EYS: variants seen among roughly 807,000 people sequenced by gnomAD.
EYS encodes the protein EGF-like photoreceptor maintenance factor, also known as protein eyes shut homolog.
Under a neutral mutation model 282.1 loss-of-function variants are expected in EYS, and 250 were observed. The observed-to-expected ratio is 0.89, with a 90% CI of 0.80 to 0.98. EYS has a LOEUF of 0.98. Among genes scored for constraint, EYS ranks in the 50% least tolerant of loss-of-function variants. The pLI, the probability that EYS is intolerant of heterozygous loss-of-function variation, is 0.00. For synonymous variants in EYS, 1,355 were observed against 1,282.9 expected, an observed-to-expected ratio of 1.06 and a Z score of -1.20; for missense variants, 4,016 against 3,709.0, an observed-to-expected ratio of 1.08 and a Z score of -2.15.
At chr6:64,004,768 C>G (rs1184907962) in intron 33 of EYS, among the ~76,000 whole-genome samples, 1 of 152,144 alleles carries the variant, frequency 6.6e-6, no homozygotes, top group Non-Finnish European at 1.5e-5. Context: ...GCCTCCAACT[C>G]CATCCATTTT....
intron 1 of EYS, among the ~76,000 whole-genome samples, chr6:65,691,163 T>C (rs888269523): frequency 6.7e-6 from 1 of 150,314 alleles, no homozygotes; most frequent in Non-Finnish European, 1.5e-5. Flanking sequence ...CCATTCTGCC[T>C]TCCACAATGG....
intron 12 of EYS, among the ~76,000 whole-genome samples, chr6:65,214,594 CA>C (rs1377236435): frequency 6.6e-6 from 1 of 152,182 alleles, no homozygotes; most frequent in Non-Finnish European, 1.5e-5. Flanking sequence ...ACAAGCTATC[CA>C]GGAAAACTAC....
chr6:64,104,556 G>T (rs1297364067), intron 31 of EYS, among the ~76,000 whole-genome samples: 1 of 152,060 alleles, frequency 6.6e-6, no homozygotes, highest in African/African-American at 2.4e-5. Flanking sequence ...GGGATGAACT[G>T]AATTTAATGA....
rs575145298 is a variant in EYS, at chr6:64,925,220, G to A, written c.2382-12477C>T. Among the ~76,000 whole-genome samples the A allele has an allele frequency of 1.2e-4, 19 of 152,248 alleles. No homozygotes were observed. The East Asian group carries it at 2.7e-3, about 22-fold the overall frequency. ...AAAAGCGAAAACCCCTGGTAAACCC[G>A]TCAGATCTCATGAGACTTAATCACT... On this transcript the variant is annotated intron_variant, in intron 15 of 42. Transcript: ENST00000503581.
chr6:64,635,751 C>T (rs1767953981), intron 22 of EYS, among the ~76,000 whole-genome samples: 2 of 152,132 alleles, frequency 1.3e-5, no homozygotes, highest in Non-Finnish European at 2.9e-5. Context: ...GATTTTGCAT[C>T]AATGTTCATC....
At chr6:63,816,942 TC>T (rs1182459706) in intron 36 of EYS, among the ~76,000 whole-genome samples, 1 of 152,226 alleles carries the variant, frequency 6.6e-6, no homozygotes, top group Non-Finnish European at 1.5e-5. Context: ...CACCCTTCTT[TC>T]CCAATTGGAG....
intron 5 of EYS, among the ~76,000 whole-genome samples, chr6:65,429,479 A>C (rs1767794724): frequency 1.3e-5 from 2 of 152,328 alleles, no homozygotes; most frequent in East Asian, 3.9e-4. Context: ...TTATAGCCTT[A>C]TAGCTAAAGA....
chr6:65,074,837 C>CT (rs1008212878), intron 12 of EYS, among the ~76,000 whole-genome samples: 8 of 151,990 alleles, frequency 5.3e-5, no homozygotes, highest in African/African-American at 1.9e-4. Flanking sequence ...ACTAAACTGA[C>CT]ATGTGCTTCA....
At chr6:64,388,863 T>C in intron 28 of EYS, 23 bp from the exon 29 acceptor site, 6 of 1,469,100 alleles carry the variant, frequency 4.1e-6, no homozygotes, top group Non-Finnish European at 5.4e-6. Context: ...AAGAAAGAAA[T>C]GGTTTTAGTA....
Position 63,788,290 on chromosome 6 carries a change from T to C in EYS, c.7579-41A>G, listed in dbSNP as rs1770420043. The C allele has an allele frequency of 2.8e-6, 4 of 1,434,528 alleles. No individual in the cohort carries two copies. In the African/African-American group the frequency reaches 5.8e-5, roughly 21 times the overall value. 88.9% of individuals were successfully genotyped at this position (1,434,528 alleles called of 1,614,324 possible). A position where few individuals can be genotyped will look rare whatever the true frequency, so the allele number is the denominator to read the frequency against. ...AAAACCTATTAAAAAAGGAATTAAT[T>C]CCCCAGGGTGAAATGTTAAGATACT... On this transcript the variant is annotated intron_variant, in intron 38 of 42. Transcript: ENST00000503581.
chr6:64,590,668 T>C lies in EYS; in HGVS notation c.5199A>G (p.Thr1733=), dbSNP rs762653244. ...TATCACTTGGGTGAAGTTTGAACAG[T>C]GTATGAGATCCTTTACTTTTTTCCA... The part of the protein sequence containing the change: ...LDMEKSKGSH[T]LFKLHPSDSS... Residue 1733 remains threonine, a synonymous_variant, in exon 26 of 43, where the codon ACA becomes ACG. Coordinates refer to ENST00000503581, the MANE Select transcript of EYS (RefSeq NM_001142800.2). The C allele has an allele frequency of 2.1e-5, 32 of 1,551,176 alleles. No homozygotes were observed. In the African/African-American group the frequency reaches 3.6e-4, roughly 17 times the overall value.
rs1313525885 is a variant in EYS, at chr6:64,880,251, C to T, written c.2992+6446G>A. Among the ~76,000 whole-genome samples the T allele has an allele frequency of 5.3e-5, 8 of 152,056 alleles. No individual in the cohort carries two copies. The East Asian group carries it at 1.5e-3, about 29-fold the overall frequency. Reference sequence around the variant, plus strand: ...ATTTTTTCCTAATACCTCAAGACTGCAAGACTGCTAACTATAGCTAAAATT... The same window carrying T: ...ATTTTTTCCTAATACCTCAAGACTGTAAGACTGCTAACTATAGCTAAAATT... On this transcript the variant is annotated intron_variant, in intron 19 of 42. Coordinates refer to ENST00000503581, the MANE Select transcript of EYS (RefSeq NM_001142800.2).
chr6:64,772,454 G>A (rs1773553233), intron 22 of EYS, among the ~76,000 whole-genome samples: 1 of 151,676 alleles, frequency 6.6e-6, no homozygotes, highest in African/African-American at 2.4e-5. Flanking sequence ...AATCACATCA[G>A]GGTGAATGGG....
At chr6:64,196,552 T>C (rs2150319465) in intron 31 of EYS, among the ~76,000 whole-genome samples, 1 of 152,226 alleles carries the variant, frequency 6.6e-6, no homozygotes, top group South Asian at 2.1e-4. Flanking sequence ...CACCACGGAA[T>C]ACTATGCAGC....
At chr6:64,296,059 A>G (rs78745306) in intron 30 of EYS, among the ~76,000 whole-genome samples, 4,556 of 152,316 alleles carry the variant, frequency 0.03, 215 homozygotes, top group African/African-American at 0.1. Flanking sequence ...ATGTTAATTT[A>G]ATTGAGTATA....
chr6:64,987,524 A>T (rs1050436667), intron 14 of EYS, among the ~76,000 whole-genome samples: 1 of 151,476 alleles, frequency 6.6e-6, no homozygotes, highest in Non-Finnish European at 1.5e-5. Flanking sequence ...TGCTCTTGGA[A>T]TCCTTGTCCT....
intron 14 of EYS, among the ~76,000 whole-genome samples, chr6:64,966,337 G>T (rs79146840): frequency 1.3e-5 from 2 of 152,072 alleles, no homozygotes; most frequent in East Asian, 3.9e-4. Context: ...GTTGGGGGGG[G>T]TATTGTTTAA....
chr6:64,849,625 A>T (rs1319675925), intron 19 of EYS, among the ~76,000 whole-genome samples: 1 of 152,084 alleles, frequency 6.6e-6, no homozygotes, highest in African/African-American at 2.4e-5. Flanking sequence ...GTTGTTGGCC[A>T]GACAGATCTT....
In EYS at chr6:64,276,928, T is replaced by C. The variant is rs562864438; in HGVS notation, c.6191+30042A>G. Reference sequence around the variant, plus strand: ...TATTCTGCAAAATGTCAAAAAGTTATATAAATCAAGCCAAAAAATTTAGTG... The same window carrying C: ...TATTCTGCAAAATGTCAAAAAGTTACATAAATCAAGCCAAAAAATTTAGTG... On this transcript the variant is annotated intron_variant, in intron 30 of 42. Transcript: ENST00000503581. Among the ~76,000 whole-genome samples the C allele has an allele frequency of 2.6e-5, 4 of 152,246 alleles. No homozygotes were observed. The South Asian group carries it at 8.3e-4, about 32-fold the overall frequency.
Sources: allele counts gnomAD v4.1 joint callset (sites outside exome capture counted in the v4.1 genomes callset), GRCh38; gene constraint gnomAD v4.1.1; transcripts MANE v1.5; gene names NCBI Gene and HGNC (gene_info 2026-07-23, HGNC 2026-07-21).